Variants in GPR78 observed in about 807,000 individuals in gnomAD.
GPR78 encodes G protein-coupled receptor 78.
In GPR78, 29 loss-of-function variants were observed where a neutral mutation model predicts 17.9. The ratio of observed to expected loss-of-function variants is 1.62; its 90% CI spans 1.20 to 2.21. GPR78 has a LOEUF of 2.21. GPR78 is among the 30% of genes most tolerant of loss of function. The pLI, the probability that GPR78 is intolerant of heterozygous loss-of-function variation, is 0.00. For synonymous variants in GPR78, 349 were observed against 256.9 expected (o/e 1.36, Z -3.43); for missense variants, 649 against 530.5 (o/e 1.22, Z -2.19).
At chr4:8,584,670 C>T (rs1003454950) in intron 2 of GPR78, among the ~76,000 whole-genome samples, 1 of 152,180 alleles carries the variant, frequency 6.6e-6, no homozygotes, top group Admixed American at 6.5e-5. Context: ...ACAGCTGGAC[C>T]AGTTTGGACG....
rs970552670 is a variant in GPR78, at chr4:8,588,835, T to G, written c.*1472T>G. ...AACCCAGCTGAGGTGGCTTCACAGA[T>G]TCTTCCCCAAAAACACAGGTGTTAT... is the stretch of plus-strand genomic sequence containing the variant. On this transcript the variant is annotated 3_prime_UTR_variant, in exon 3 of 3. Transcript: ENST00000382487. Among the ~76,000 whole-genome samples the G allele has an allele frequency of 6.6e-6, 1 of 152,210 alleles. No homozygotes were observed. Among genetic ancestry groups the G allele is most frequent in the African/African-American group, 2.4e-5 (1 of 41,454 alleles).
rs144835106 is a variant in GPR78 at position 8,587,348 on chromosome 4, G to A, written c.1077G>A (p.Leu359=). 6 of 1,612,490 alleles carry A rather than the reference G, an allele frequency of 3.7e-6. No homozygotes were observed. The African/African-American group carries it at 8.0e-5, about 22-fold the overall frequency. ...GSVDTENDSC[L]QQTH Reference sequence around the variant, plus strand: ...TGGACACAGAGAATGATTCCTGCCTGCAGCAGACACACTGAGGGCCTGGCA... The same window carrying A: ...TGGACACAGAGAATGATTCCTGCCTACAGCAGACACACTGAGGGCCTGGCA... The change falls in exon 3 of 3, where the codon CTG becomes CTA. Residue 359 remains leucine (L), a synonymous_variant. Coordinates refer to ENST00000382487, the MANE Select transcript of GPR78 (RefSeq NM_080819.5).
Position 8,587,507 on chromosome 4 carries a change from A to G in GPR78, c.*144A>G. 1.2e-6 allele frequency: 1 copy of G among 819,026 alleles called. No homozygotes were observed. The highest frequency in any genetic ancestry group is 1.9e-6 in the Non-Finnish European group (1 of 524,214). The allele number at this position is 819,026 out of a possible 1,614,324, so 50.7% of individuals were successfully genotyped here. On this transcript the variant is annotated 3_prime_UTR_variant, in exon 3 of 3. Coordinates refer to ENST00000382487, the MANE Select transcript of GPR78 (RefSeq NM_080819.5). Reference sequence around the variant, plus strand: ...GCTGAAGTACAGGAGGAGGAGGAGGAGAGGGCCGGATGTGGGTGTGGACAG... The same window carrying G: ...GCTGAAGTACAGGAGGAGGAGGAGGGGAGGGCCGGATGTGGGTGTGGACAG...
Position 8,581,498 on chromosome 4 carries a change from C to A in GPR78, c.516C>A (p.Phe172Leu), listed in dbSNP as rs1560280741. The part of the protein sequence containing the change: ...PEPERPRFAA[F>L]TATLHAVGFV... ...CTGAGCGTCCGCGCTTCGCAGCCTT[C>A]ACCGCCACGCTCCATGCCGTGGGCT... The change falls in exon 1 of 3, where the codon TTC becomes TTA. Residue 172 changes from phenylalanine (F) to leucine (L), a missense_variant. By Grantham distance (22) the Phe-to-Leu change is conservative (BLOSUM62 0). Coordinates refer to ENST00000382487, the MANE Select transcript of GPR78 (RefSeq NM_080819.5). The A allele has an allele frequency of 6.3e-7, 1 of 1,592,450 alleles. No individual in the cohort carries two copies. The highest frequency in any genetic ancestry group is 8.5e-7 in the Non-Finnish European group (1 of 1,177,050).
intron 1 of GPR78, among the ~76,000 whole-genome samples, chr4:8,582,114 A>G (rs1370833287): frequency 6.6e-6 from 1 of 152,010 alleles, no homozygotes; most frequent in Non-Finnish European, 1.5e-5. Flanking sequence ...TGGTGTCGCC[A>G]TTGTTCCAAA....
chr4:8,582,522 T>TC lies in GPR78; in HGVS notation c.669-5dup, dbSNP rs1263245704. 1.3e-6 allele frequency: 2 copies of TC among 1,591,188 alleles called. No homozygotes were observed. Among genetic ancestry groups the TC allele is most frequent in the South Asian group, 2.2e-5 (2 of 90,786 alleles). On this transcript the variant is annotated splice_polypyrimidine_tract_variant and intron_variant, in intron 1 of 2. Coordinates refer to ENST00000382487, the MANE Select transcript of GPR78 (RefSeq NM_080819.5). The stretch of plus-strand genomic sequence containing the variant: ...CCATCATCCTGACCACTGTCCTCTG[T>TC]CCCCACAGTGTGCGGCAGCGCTGCC...
Position 8,581,273 on chromosome 4 carries a change from G to A in GPR78, c.291G>A (p.Val97=), listed in dbSNP as rs1372456303. Residue 97 remains valine (V), a synonymous_variant, in exon 1 of 3, where the codon GTG becomes GTA. Transcript: ENST00000382487. ...TGGCGTCCAACGCGGCGCTGAGCGT[G>A]GCGGCGCTGAGCGCAGACCAGTGGC... The part of the protein sequence containing the change: ...TFLASNAALS[V]AALSADQWLA... 5 of 1,589,778 alleles carry A rather than the reference G, an allele frequency of 3.1e-6. No homozygotes were observed. In the African/African-American group the frequency reaches 6.7e-5, roughly 21 times the overall value.
Position 8,587,344 on chromosome 4 carries a change from G to A in GPR78, c.1073G>A (p.Cys358Tyr). 1 of 1,612,766 alleles carries A rather than the reference G, an allele frequency of 6.2e-7. No homozygotes were observed. Among genetic ancestry groups the A allele is most frequent in the South Asian group, 1.1e-5 (1 of 91,020 alleles). The change falls in exon 3 of 3, where the codon TGC (cysteine) becomes TAC (tyrosine). Residue 358 changes from cysteine to tyrosine, a missense_variant. Coordinates refer to ENST00000382487, the MANE Select transcript of GPR78 (RefSeq NM_080819.5). ...TCTGTGGACACAGAGAATGATTCCT[G>A]CCTGCAGCAGACACACTGAGGGCCT... Reference protein sequence around the residue: ...NGSVDTENDSCLQQTH With the variant: ...NGSVDTENDSYLQQTH
chr4:8,581,207 G>C lies in GPR78; in HGVS notation c.225G>C (p.Ala75=), dbSNP rs749378417. 1.3e-6 allele frequency: 2 copies of C among 1,599,510 alleles called. No individual in the cohort carries two copies. The highest frequency in any genetic ancestry group is 1.7e-5 in the Admixed American group (1 of 59,498). The change falls in exon 1 of 3, where the codon GCG becomes GCC. Residue 75 remains alanine (A), a synonymous_variant. Transcript: ENST00000382487. The part of the protein sequence containing the change: ...LGVMRGRTPS[A]PGACQVIGFL... ...TGATGCGCGGGCGGACACCGTCGGC[G>C]CCCGGCGCATGCCAAGTCATTGGCT...
Position 8,588,383 on chromosome 4 carries a change from C to A in GPR78, c.*1020C>A, listed in dbSNP as rs748625184. On this transcript the variant is annotated 3_prime_UTR_variant, in exon 3 of 3. Coordinates refer to ENST00000382487, the MANE Select transcript of GPR78 (RefSeq NM_080819.5). Reference sequence around the variant, plus strand: ...ATTCCCCGGTGGGAGCACCCACCATCAATGTCATTGAATGTCCCCATGGGA... The same window carrying A: ...ATTCCCCGGTGGGAGCACCCACCATAAATGTCATTGAATGTCCCCATGGGA... Among the ~76,000 whole-genome samples, 2 of 152,210 alleles carry A rather than the reference C, an allele frequency of 1.3e-5. No homozygotes were observed. The highest frequency in any genetic ancestry group is 2.4e-5 in the African/African-American group (1 of 41,454).
In GPR78 at chr4:8,581,447, C is replaced by T. The variant is rs747875109; in HGVS notation, c.465C>T (p.Ser155=). ...SWLGYSSAFA[S]CSLRLPPEPE... is the part of the protein sequence containing the mutation. ...TTGGCTACAGCAGCGCCTTCGCGTC[C>T]TGTTCGCTGCGCCTGCCGCCCGAGC... The change falls in exon 1 of 3, where the codon TCC becomes TCT. Residue 155 remains serine (S), a synonymous_variant. Coordinates refer to ENST00000382487, the MANE Select transcript of GPR78 (RefSeq NM_080819.5). The T allele has an allele frequency of 2.4e-5, 38 of 1,591,144 alleles. No individual in the cohort carries two copies. In the Middle Eastern group the frequency reaches 7.2e-4, roughly 30 times the overall value.
chr4:8,585,342 A>C (rs1208461294), intron 2 of GPR78, among the ~76,000 whole-genome samples: 1 of 152,088 alleles, frequency 6.6e-6, no homozygotes, highest in Admixed American at 6.5e-5. Context: ...GATGACTTCC[A>C]CCTGCACCGT....
intron 2 of GPR78, chr4:8,582,877 G>C (rs1311415349): frequency 8.0e-6 from 4 of 496,944 alleles, no homozygotes; most frequent in Non-Finnish European, 1.4e-5. Context: ...TCCTTGTCCA[G>C]GCACAGGCAG....
Position 8,587,316 on chromosome 4 carries a change from G to A in GPR78, c.1045G>A (p.Gly349Ser), listed in dbSNP as rs754766238. 5.6e-6 allele frequency: 9 copies of A among 1,612,758 alleles called. No individual in the cohort carries two copies. The highest frequency in any genetic ancestry group is 2.2e-5 in the South Asian group (2 of 91,038). Reference sequence around the variant, plus strand: ...CCCGCGCCCAGCGTCCACCCACAACGGCTCTGTGGACACAGAGAATGATTC... The same window carrying A: ...CCCGCGCCCAGCGTCCACCCACAACAGCTCTGTGGACACAGAGAATGATTC... The part of the protein sequence containing the change: ...RTPRPASTHN[G>S]SVDTENDSCL... Residue 349 changes from glycine (G) to serine (S), a missense_variant, in exon 3 of 3, where the codon GGC becomes AGC. Gly to Ser is a moderately conservative substitution (Grantham distance 56). Coordinates refer to ENST00000382487, the MANE Select transcript of GPR78 (RefSeq NM_080819.5).
At chr4:8,583,142 A>T (rs4235271) in intron 2 of GPR78, 68,522 of 159,536 alleles carry the variant, frequency 0.43, 15,606 homozygotes, top group Admixed American at 0.53. Flanking sequence ...TAATTTGGGA[A>T]AGAGTGTGTG....
At position 8,580,524 on chromosome 4, in the gene GPR78, G is replaced by A; in HGVS notation, c.-459G>A. On this transcript the variant is annotated 5_prime_UTR_variant, in exon 1 of 3. Transcript: ENST00000382487. ...GCGCGAACCAGGGCTGGGAGGCTCG[G>A]CTGGAGGTGTGACCAGGGCAGGGAC... The A allele has an allele frequency of 6.2e-6, 1 of 161,808 alleles. No homozygotes were observed. Among genetic ancestry groups the A allele is most frequent in the African/African-American group, 2.4e-5 (1 of 41,920 alleles). The allele number at this position is 161,808 out of a possible 1,614,324, so 10.0% of individuals were successfully genotyped here.
At chr4:8,581,766 C>A in intron 1 of GPR78, 116 bp downstream of exon 1, 2 of 735,608 alleles carry the variant, frequency 2.7e-6, no homozygotes, top group Non-Finnish European at 2.1e-6. Flanking sequence ...GTTCACCAGC[C>A]ACAGCACTGC....
intron 2 of GPR78, 144 bp downstream of exon 2, chr4:8,582,788 G>T (rs562973164): frequency 7.9e-6 from 5 of 629,988 alleles, no homozygotes; most frequent in African/African-American, 5.4e-5. Flanking sequence ...CGGGCTCAGG[G>T]CTGTGCTTCA....
At position 8,581,444 on chromosome 4, in the gene GPR78, G is replaced by T; in HGVS notation, c.462G>T (p.Ala154=). The T allele has an allele frequency of 6.3e-7, 1 of 1,591,030 alleles. No individual in the cohort carries two copies. Among genetic ancestry groups the T allele is most frequent in the Non-Finnish European group, 8.5e-7 (1 of 1,176,530 alleles). The part of the protein sequence containing the change: ...CSWLGYSSAF[A]SCSLRLPPEP... ...GGCTTGGCTACAGCAGCGCCTTCGCGTCCTGTTCGCTGCGCCTGCCGCCCG... is the reference window on the plus strand; with the variant it reads ...GGCTTGGCTACAGCAGCGCCTTCGCTTCCTGTTCGCTGCGCCTGCCGCCCG... Residue 154 remains alanine, a synonymous_variant, in exon 1 of 3, where the codon GCG becomes GCT. Coordinates refer to ENST00000382487, the MANE Select transcript of GPR78 (RefSeq NM_080819.5).
Sources: gnomAD v4.1 joint callset for allele counts (sites outside exome capture counted in the v4.1 genomes callset) on GRCh38, gnomAD v4.1.1 for gene constraint, MANE v1.5 for transcripts, NCBI Gene and HGNC (gene_info 2026-07-23, HGNC 2026-07-21) for gene names.